The following PGM3 variants were observed in gnomAD, a reference collection of about 807,000 sequenced individuals.
PGM3 encodes phosphoacetylglucosamine mutase.
In PGM3, 40 loss-of-function variants were observed where a neutral mutation model predicts 66.2. The ratio of observed to expected loss-of-function variants is 0.60; its 90% CI spans 0.47 to 0.79. PGM3 has a LOEUF of 0.79. PGM3 is among the 30% of genes least tolerant of loss of function. PGM3 has a pLI of 0.00. For missense variants in PGM3, 537 were observed against 643.4 expected (o/e 0.83, Z 1.79); for synonymous variants, 191 against 224.2 (o/e 0.85, Z 1.32).
chr6:83,191,424 G>C, intron 1 of PGM3: 1 of 596,956 alleles, frequency 1.7e-6, no homozygotes, highest in Admixed American at 2.9e-5. Context: ...TAGATAGCTG[G>C]TGACGGATTG....
intron 10 of PGM3, among the ~76,000 whole-genome samples, chr6:83,173,031 A>C (rs968792733): frequency 6.6e-6 from 1 of 152,180 alleles, no homozygotes; most frequent in Admixed American, 6.5e-5. Context: ...CTTTAATCTT[A>C]TGTAACATAC....
rs1461676323 is a variant in PGM3, at chr6:83,174,465, T to G, written c.1151A>C (p.Glu384Ala). 6.3e-7 allele frequency: 1 copy of G among 1,596,740 alleles called. No individual in the cohort carries two copies. Among genetic ancestry groups the G allele is most frequent in the East Asian group, 2.2e-5 (1 of 44,590 alleles). Residue 384 changes from glutamate (E) to alanine (A), a missense_variant, in exon 10 of 13, where the codon GAA (glutamate) becomes GCA (alanine). Transcript: ENST00000513973. The stretch of plus-strand genomic sequence containing the variant: ...TTCTGCTGATTGTTTTATCTTCATT[T>G]CAACAGCTGTACTAAACAGTGCCTG... ...HGTALFSTAV[E>A]MKIKQSAEQL... is the part of the protein sequence containing the mutation.
chr6:83,161,034 A>G (rs1161932644), downstream of PGM3: 2 of 152,054 alleles, frequency 1.3e-5, no homozygotes, highest in Non-Finnish European at 2.9e-5. Flanking sequence ...TGTTACACAG[A>G]TGTTACTCCT....
At chr6:83,150,045 A>G in the PGM3 span, among the ~76,000 whole-genome samples, 3 of 152,192 alleles carry the variant, frequency 2.0e-5, no homozygotes, top group Non-Finnish European at 2.9e-5. Context: ...AGTGTGGGAA[A>G]GTAAGTGTTG....
chr6:83,157,057 A>G (rs1002872475), downstream of PGM3: 2 of 832,906 alleles, frequency 2.4e-6, no homozygotes, highest in Non-Finnish European at 3.6e-6. Flanking sequence ...TATCTACAAC[A>G]GTTTTGAATT....
intron 6 of PGM3, 131 bp from the exon 7 acceptor site, chr6:83,180,098 G>A (rs1000872094): frequency 1.0e-5 from 6 of 598,676 alleles, no homozygotes; most frequent in Non-Finnish European, 1.6e-5. Context: ...TCTTTAAATA[G>A]TACATAGTTT....
intron 3 of PGM3, 82 bp from the exon 4 acceptor site, chr6:83,187,157 A>C (rs986188094): frequency 6.0e-6 from 5 of 834,570 alleles, no homozygotes; most frequent in Non-Finnish European, 1.0e-5. Context: ...TGCAAAAATT[A>C]CATGCTACAA....
chr6:83,167,024 C>T lies in PGM3; in HGVS notation c.*2210G>A, dbSNP rs1408822608. On this transcript the variant is annotated 3_prime_UTR_variant, in exon 13 of 13. Transcript: ENST00000513973. ...TATCTTTCTCTAGACAGAATGATGT[C>T]TGTAGCTGTGTTTGTGTAATTCAGG... 6 of 985,200 alleles carry T rather than the reference C, an allele frequency of 6.1e-6. No individual in the cohort carries two copies. In the African/African-American group the frequency reaches 8.7e-5, roughly 14 times the overall value. The allele number at this position is 985,200 out of a possible 1,614,324, so 61.0% of individuals were successfully genotyped here. A position where few individuals can be genotyped will look rare whatever the true frequency, so the allele number is the denominator to read the frequency against.
chr6:83,169,854 C>T, intron 12 of PGM3: 2 of 456,332 alleles, frequency 4.4e-6, no homozygotes, highest in Non-Finnish European at 8.8e-6. Flanking sequence ...GTCAGGGAAA[C>T]AGGCACAGAG....
intron 3 of PGM3, among the ~76,000 whole-genome samples, chr6:83,188,325 G>T (rs917364152): frequency 6.6e-6 from 1 of 152,068 alleles, no homozygotes; most frequent in South Asian, 2.1e-4. Flanking sequence ...ACCTACAGAG[G>T]GGGTGGGAGA....
Position 83,167,062 on chromosome 6 carries a change from C to T in PGM3, c.*2172G>A, listed in dbSNP as rs45477797. On this transcript the variant is annotated 3_prime_UTR_variant, in exon 13 of 13. Transcript: ENST00000513973. Reference sequence around the variant, plus strand: ...TGTGTAATTCAGGTGGCTTCTCAAACTAGCCTCTTAATACCCAAATTATTA... The same window carrying T: ...TGTGTAATTCAGGTGGCTTCTCAAATTAGCCTCTTAATACCCAAATTATTA... 1.6e-5 allele frequency: 16 copies of T among 985,168 alleles called. No homozygotes were observed. The highest frequency in any genetic ancestry group is 1.9e-5 in the Non-Finnish European group (16 of 829,808). 61.0% of individuals were successfully genotyped at this position (985,168 alleles called of 1,614,324 possible).
At chr6:83,173,506 T>A (rs1257854172) in intron 10 of PGM3, among the ~76,000 whole-genome samples, 1 of 151,964 alleles carries the variant, frequency 6.6e-6, no homozygotes, top group Non-Finnish European at 1.5e-5. Context: ...GTATAAGATA[T>A]AACTGAAGAT....
At chr6:83,182,135 A>G (rs991231897) in intron 5 of PGM3, among the ~76,000 whole-genome samples, 10 of 152,342 alleles carry the variant, frequency 6.6e-5, no homozygotes, top group African/African-American at 1.2e-4. Flanking sequence ...CTGGAACAAC[A>G]GAATAGTTTT....
chr6:83,151,707 A>G, the PGM3 span: 1 of 1,542,862 alleles, frequency 6.5e-7, no homozygotes, highest in Non-Finnish European at 8.8e-7. Context: ...CAGTGCCCTC[A>G]ATTTGAAAAT....
Position 83,166,956 on chromosome 6 carries a change from T to G in PGM3, c.*2278A>C, listed in dbSNP as rs535447952. 2 of 986,482 alleles carry G rather than the reference T, an allele frequency of 2.0e-6. No homozygotes were observed. Among genetic ancestry groups the G allele is most frequent in the East Asian group, 2.3e-4 (2 of 8,860 alleles). The allele number at this position is 986,482 out of a possible 1,614,324, so 61.1% of individuals were successfully genotyped here. A position where few individuals can be genotyped will look rare whatever the true frequency, so the allele number is the denominator to read the frequency against. On this transcript the variant is annotated 3_prime_UTR_variant, in exon 13 of 13. Coordinates refer to ENST00000513973, the MANE Select transcript of PGM3 (RefSeq NM_015599.3). ...TTATTTTCATTCTTTAGTGTGGAAT[T>G]GTATCTGTGATTCTGCCCAAGTTCA... is the stretch of plus-strand genomic sequence containing the variant.
Position 83,181,815 on chromosome 6 carries a change from C to T in PGM3, c.708G>A (p.Leu236=), listed in dbSNP as rs773790445. The T allele has an allele frequency of 1.1e-5, 17 of 1,613,948 alleles. 1 individual carries two copies. In the South Asian group the frequency reaches 1.9e-4, roughly 18 times the overall value. The change falls in exon 6 of 13, where the codon CTG becomes CTA. Residue 236 remains leucine (L), a synonymous_variant. Transcript: ENST00000513973. ...GTTTGCCCTTGGACCCATCATTAAACAGCTGAACTGACAGGCCCTGTGAGA... is the reference window on the plus strand; with the variant it reads ...GTTTGCCCTTGGACCCATCATTAAATAGCTGAACTGACAGGCCCTGTGAGA... ...HYFSQGLSVQ[L]FNDGSKGKLN... is the part of the protein sequence containing the mutation.
Position 83,166,045 on chromosome 6 carries a change from T to G in PGM3, c.*3189A>C. ...CCACTGAGCTGGTCATCGCCAGTTG[T>G]CGTATAAAATCCACCTTTTGGCACA... On this transcript the variant is annotated 3_prime_UTR_variant, in exon 13 of 13. Transcript: ENST00000513973. The G allele has an allele frequency of 3.5e-6, 1 of 282,248 alleles. No individual in the cohort carries two copies. Among genetic ancestry groups the G allele is most frequent in the South Asian group, 6.1e-5 (1 of 16,498 alleles). The allele number at this position is 282,248 out of a possible 1,614,324, so 17.5% of individuals were successfully genotyped here.
At chr6:83,173,020 C>A (rs1219898249) in intron 10 of PGM3, among the ~76,000 whole-genome samples, 1 of 152,114 alleles carries the variant, frequency 6.6e-6, no homozygotes, top group Admixed American at 6.6e-5. Context: ...TATAAAACCA[C>A]CTTTAATCTT....
intron 7 of PGM3, 114 bp downstream of exon 7, chr6:83,179,696 C>A: frequency 2.6e-6 from 2 of 759,874 alleles, no homozygotes; most frequent in East Asian, 5.4e-5. Context: ...ATTTTCTGCC[C>A]ACTAATGTAA....
Sources: allele counts gnomAD v4.1 joint callset (sites outside exome capture counted in the v4.1 genomes callset), GRCh38; gene constraint gnomAD v4.1.1; transcripts MANE v1.5; gene names NCBI Gene and HGNC (gene_info 2026-07-23, HGNC 2026-07-21).